ESRRB: variants seen among roughly 807,000 people sequenced by gnomAD.
ESRRB encodes steroid hormone receptor ERR2.
Under a neutral mutation model 46.0 loss-of-function variants are expected in ESRRB, and 16 were observed. The observed-to-expected ratio is 0.35, with a 90% CI of 0.24 to 0.53. The LOEUF is 0.53. ESRRB is among the 20% of genes least tolerant of loss of function. ESRRB has a pLI of 0.93. For missense variants in ESRRB, 488 were observed against 607.4 expected (o/e 0.80, Z 2.07); for synonymous variants, 246 against 259.6 (o/e 0.95, Z 0.50).
At chr14:76,473,491 T>C (rs113546104) in intron 3 of ESRRB, among the ~76,000 whole-genome samples, 1 of 152,158 alleles carries the variant, frequency 6.6e-6, no homozygotes, top group Non-Finnish European at 1.5e-5. Flanking sequence ...AAGAGAAATA[T>C]GATGTGGGAA....
chr14:76,421,524 C>T (rs1041084752), intron 1 of ESRRB, among the ~76,000 whole-genome samples: 10 of 152,144 alleles, frequency 6.6e-5, no homozygotes, highest in African/African-American at 2.2e-4. Flanking sequence ...TCTTTTTCTT[C>T]CAAAGAGCTT....
chr14:76,500,076 T>C lies in ESRRB; in HGVS notation c.*1618T>C. On this transcript the variant is annotated 3_prime_UTR_variant, in exon 7 of 7. Coordinates refer to ENST00000644823, the MANE Select transcript of ESRRB (RefSeq NM_001379180.1). ...GACACCAGGAGGCCAGGTAACTTTC[T>C]GCAGCTTTTCCATAGAAGCCCTGGT... is the stretch of plus-strand genomic sequence containing the variant. 6.5e-7 allele frequency: 1 copy of C among 1,548,778 alleles called. No homozygotes were observed. The highest frequency in any genetic ancestry group is 8.7e-7 in the Non-Finnish European group (1 of 1,144,658).
At chr14:76,382,110 A>G (rs932327311) in intron 1 of ESRRB, among the ~76,000 whole-genome samples, 1 of 152,230 alleles carries the variant, frequency 6.6e-6, no homozygotes, top group African/African-American at 2.4e-5. Flanking sequence ...AAACATCAAA[A>G]GCCGTGTCCA....
rs376722680 is a variant in ESRRB, at chr14:76,467,074, G to A, written c.577+4413G>A. Among the ~76,000 whole-genome samples the A allele has an allele frequency of 1.1e-3, 167 of 152,168 alleles. 1 individual carries two copies. The highest frequency in any genetic ancestry group is 3.7e-3 in the African/African-American group (155 of 41,534). On this transcript the variant is annotated intron_variant, in intron 3 of 6. Transcript: ENST00000644823. ...TGCTTCCATTTCTTCACTGTAAAAC[G>A]GGGATGTTGATACCTGCTTTCCTTC...
intron 1 of ESRRB, among the ~76,000 whole-genome samples, chr14:76,344,301 G>A (rs530418077): frequency 6.6e-6 from 1 of 152,076 alleles, no homozygotes; most frequent in African/African-American, 2.4e-5. Context: ...AGTTACGGGG[G>A]TACAGGTGGT....
At chr14:76,418,345 C>T (rs1236107262) in intron 1 of ESRRB, among the ~76,000 whole-genome samples, 1 of 152,082 alleles carries the variant, frequency 6.6e-6, no homozygotes, top group Non-Finnish European at 1.5e-5. Context: ...CCTGTATAAC[C>T]CTTATCTGGT....
At chr14:76,324,963 C>CTTTTTTTTTTTTTTT (rs34780208) in intron 1 of ESRRB, among the ~76,000 whole-genome samples, 12 of 102,190 alleles carry the variant, frequency 1.2e-4, no homozygotes, top group South Asian at 7.1e-4. Context: ...TTTTCTTTTT[C>CTTTTTTTTTTTTTTT]TTTTTTTTTT....
At chr14:76,435,310 C>T (rs559059159) in intron 1 of ESRRB, among the ~76,000 whole-genome samples, 19 of 152,314 alleles carry the variant, frequency 1.2e-4, no homozygotes, top group Admixed American at 3.3e-4. Context: ...CCAGAGGCAC[C>T]GCAGCAGTGC....
chr14:76,438,535 G>T (rs1372589858), intron 1 of ESRRB, among the ~76,000 whole-genome samples: 2 of 152,070 alleles, frequency 1.3e-5, no homozygotes, highest in African/African-American at 2.4e-5. Flanking sequence ...ATGACGGCGG[G>T]TGCCTGTAAT....
At chr14:76,344,939 C>T (rs1884232598) in intron 1 of ESRRB, among the ~76,000 whole-genome samples, 1 of 151,928 alleles carries the variant, frequency 6.6e-6, no homozygotes, top group African/African-American at 2.4e-5. Flanking sequence ...AGTAGTATTC[C>T]ATCATATATA....
At chr14:76,454,590 G>A (rs1424135393) in intron 2 of ESRRB, among the ~76,000 whole-genome samples, 2 of 152,102 alleles carry the variant, frequency 1.3e-5, no homozygotes, top group African/African-American at 4.8e-5. Flanking sequence ...GGTATGGGAG[G>A]GCCGGGGGCT....
chr14:76,431,735 G>T (rs1407103919), intron 1 of ESRRB, among the ~76,000 whole-genome samples: 1 of 152,170 alleles, frequency 6.6e-6, no homozygotes, highest in African/African-American at 2.4e-5. Flanking sequence ...CCTTTCAAAG[G>T]CTGCTTGGAT....
intron 3 of ESRRB, among the ~76,000 whole-genome samples, chr14:76,470,516 C>T (rs2140008407): frequency 6.6e-6 from 1 of 152,304 alleles, no homozygotes; most frequent in African/African-American, 2.4e-5. Flanking sequence ...CCCTAAGTAG[C>T]ACACATCTGT....
chr14:76,479,772 G>T (rs1889733245), intron 3 of ESRRB, among the ~76,000 whole-genome samples: 1 of 152,210 alleles, frequency 6.6e-6, no homozygotes, highest in Non-Finnish European at 1.5e-5. Context: ...GACCTCCAGA[G>T]AGCAGAGAGA....
chr14:76,352,931 T>G lies in ESRRB; in HGVS notation c.2+42015T>G, dbSNP rs529253264. On this transcript the variant is annotated intron_variant, in intron 1 of 6. Coordinates refer to the ESRRB transcript ENST00000512784. ...GCCCCTCGCTGAGCGCTCCGCACACTCTGAGATCCAGCGCGCCCTCTGGTG... is the reference window on the plus strand; with the variant it reads ...GCCCCTCGCTGAGCGCTCCGCACACGCTGAGATCCAGCGCGCCCTCTGGTG... 2.4e-4 allele frequency among the ~76,000 whole-genome samples: 36 copies of G among 152,172 alleles called. 1 individual carries two copies. The highest frequency in any genetic ancestry group is 6.8e-3 in the Middle Eastern group (2 of 294).
chr14:76,395,896 C>T (rs187654341), intron 1 of ESRRB, among the ~76,000 whole-genome samples: 2 of 152,010 alleles, frequency 1.3e-5, no homozygotes, highest in East Asian at 1.9e-4. Context: ...GGCCTTCAGC[C>T]GGGCATGGTG....
intron 1 of ESRRB, among the ~76,000 whole-genome samples, chr14:76,324,721 G>A (rs1332858034): frequency 6.6e-6 from 1 of 152,142 alleles, no homozygotes; most frequent in Non-Finnish European, 1.5e-5. Flanking sequence ...AGAGGAAGGG[G>A]AATCACTCAC....
intron 6 of ESRRB, chr14:76,495,277 T>C (rs1890380975): frequency 6.6e-6 from 1 of 152,012 alleles, no homozygotes; most frequent in Non-Finnish European, 1.5e-5. Context: ...CTTTGTCGCA[T>C]GGTATGAGGT....
chr14:76,356,250 C>T (rs1884377197), intron 1 of ESRRB, among the ~76,000 whole-genome samples: 1 of 152,216 alleles, frequency 6.6e-6, no homozygotes, highest in African/African-American at 2.4e-5. Context: ...CCTTTCTCTG[C>T]CTGGCTGTGT....
Sources: allele counts gnomAD v4.1 joint callset (sites outside exome capture counted in the v4.1 genomes callset), GRCh38; gene constraint gnomAD v4.1.1; transcripts MANE v1.5; gene names NCBI Gene and HGNC (gene_info 2026-07-23, HGNC 2026-07-21).